The following LMCD1 variants were observed in gnomAD, a reference collection of about 807,000 sequenced individuals.
LMCD1 encodes the protein LIM and cysteine-rich domains protein 1.
Under a neutral mutation model 42.7 loss-of-function variants are expected in LMCD1, and 32 were observed. The observed-to-expected ratio is 0.75, with a 90% CI of 0.57 to 1.01. The LOEUF (loss-of-function observed/expected upper bound fraction) is 1.01, where lower values mean the gene tolerates loss of function less well. Ranked by LOEUF, LMCD1 falls within the 50% of genes least tolerant of loss-of-function variation. The pLI is 0.00. For synonymous variants in LMCD1, 178 were observed against 184.9 expected (o/e 0.96, Z 0.30); for missense variants, 458 against 483.1 (o/e 0.95, Z 0.49).
chr3:8,535,933 C>T (rs1040297351), intron 2 of LMCD1, among the ~76,000 whole-genome samples: 5 of 152,194 alleles, frequency 3.3e-5, no homozygotes, highest in African/African-American at 4.8e-5. Flanking sequence ...ACCAATAGCA[C>T]TCCTCTACCC....
chr3:8,558,580 T>C (rs1694969728), intron 4 of LMCD1, among the ~76,000 whole-genome samples: 1 of 152,226 alleles, frequency 6.6e-6, no homozygotes, highest in African/African-American at 2.4e-5. Flanking sequence ...TTTGGGAACA[T>C]GAACAAGAAA....
intron 3 of LMCD1, among the ~76,000 whole-genome samples, chr3:8,543,416 TAG>T (rs2125028797): frequency 1.4e-5 from 2 of 143,538 alleles, no homozygotes. Flanking sequence ...GATAGATAGA[TAG>T]ATAGATAGAT....
At chr3:8,547,390 A>G (rs1476404295) in intron 3 of LMCD1, among the ~76,000 whole-genome samples, 2 of 152,256 alleles carry the variant, frequency 1.3e-5, no homozygotes, top group Non-Finnish European at 2.9e-5. Flanking sequence ...TCCAGGCAGA[A>G]AGAAGACTGG....
At chr3:8,541,278 A>C (rs1694621238) in intron 3 of LMCD1, among the ~76,000 whole-genome samples, 1 of 152,180 alleles carries the variant, frequency 6.6e-6, no homozygotes, top group Non-Finnish European at 1.5e-5. Context: ...GGCCAGGTGC[A>C]GTGGCTCGCA....
intron 1 of LMCD1, among the ~76,000 whole-genome samples, chr3:8,521,848 A>G (rs1468655509): frequency 6.6e-6 from 1 of 152,210 alleles, no homozygotes; most frequent in Non-Finnish European, 1.5e-5. Context: ...TTGCAATCAT[A>G]GATTCTTAAT....
intron 4 of LMCD1, chr3:8,550,784 A>G: frequency 6.1e-6 from 6 of 985,306 alleles, no homozygotes; most frequent in Non-Finnish European, 7.2e-6. Context: ...CTGTTTGTTC[A>G]TAAACCCTAA....
chr3:8,563,027 C>A (rs1395084666), intron 4 of LMCD1, among the ~76,000 whole-genome samples: 1 of 152,214 alleles, frequency 6.6e-6, no homozygotes, highest in African/African-American at 2.4e-5. Context: ...GCATCATCTG[C>A]TAGTGTCTTC....
At chr3:8,564,366 G>A (rs1216983115) in intron 4 of LMCD1, among the ~76,000 whole-genome samples, 2 of 151,962 alleles carry the variant, frequency 1.3e-5, no homozygotes, top group Non-Finnish European at 2.9e-5. Flanking sequence ...AAACTCCTGG[G>A]CTCCAGCAGT....
intron 3 of LMCD1, among the ~76,000 whole-genome samples, chr3:8,538,054 C>A (rs985421377): frequency 2.0e-5 from 3 of 152,134 alleles, no homozygotes; most frequent in Admixed American, 1.3e-4. Flanking sequence ...GCTGGAATCC[C>A]CGGGACCTGC....
chr3:8,502,258 GTATATAAAATATA>G (rs1254997677), intron 1 of LMCD1, among the ~76,000 whole-genome samples: 2 of 50,054 alleles, frequency 4.0e-5, no homozygotes, highest in African/African-American at 7.1e-5. Context: ...TATATAAAAT[GTATATAAAATATA>G]TATATAAAAT....
chr3:8,517,380 T>C (rs1162262123), intron 1 of LMCD1, among the ~76,000 whole-genome samples: 1 of 152,218 alleles, frequency 6.6e-6, no homozygotes, highest in African/African-American at 2.4e-5. Context: ...GTATTACATA[T>C]ATGCAAATAT....
At chr3:8,502,923 C>T (rs963872785) in intron 1 of LMCD1, among the ~76,000 whole-genome samples, 1 of 152,134 alleles carries the variant, frequency 6.6e-6, no homozygotes, top group Non-Finnish European at 1.5e-5. Context: ...AGAGTTGGTT[C>T]TAACAGGCAG....
Position 8,572,067 on chromosome 3 carries a change from A to G in LMCD1, c.*4469A>G, listed in dbSNP as rs1239391289. 1.3e-5 allele frequency: 2 copies of G among 152,132 alleles called. No individual in the cohort carries two copies. The highest frequency in any genetic ancestry group is 2.9e-5 in the Non-Finnish European group (2 of 68,006). The allele number at this position is 152,132 out of a possible 1,614,324, so 9.4% of individuals were successfully genotyped here. A position where few individuals can be genotyped will look rare whatever the true frequency, so the allele number is the denominator to read the frequency against. ...CATTCAGTCTAAGATCACTCATTCT[A>G]TTTAGTTATCTTGTCTATTCTTCAA... On this transcript the variant is annotated 3_prime_UTR_variant, in exon 6 of 6. Transcript: ENST00000157600.
chr3:8,508,393 T>C (rs1255235212), intron 1 of LMCD1, among the ~76,000 whole-genome samples: 1 of 152,138 alleles, frequency 6.6e-6, no homozygotes, highest in Non-Finnish European at 1.5e-5. Flanking sequence ...AAGGCTCCAT[T>C]TGGCAAGTAA....
rs753400931 is a variant in LMCD1 at position 8,565,680 on chromosome 3, TTGAGGGACACTGC to T, written c.939+40_939+52del. On this transcript the variant is annotated intron_variant, in intron 5 of 5. Transcript: ENST00000157600. ...ATAGCCGCGAGATGGGTTAGGGGGC[TTGAGGGACACTGC>T]TGAGGGTAAAAGCCCAGAGGCCAAG... 3.9e-6 allele frequency: 6 copies of T among 1,544,530 alleles called. No individual in the cohort carries two copies. In the South Asian group the frequency reaches 7.1e-5, roughly 18 times the overall value.
chr3:8,516,310 G>A (rs4143967), intron 1 of LMCD1, among the ~76,000 whole-genome samples: 57,398 of 151,912 alleles, frequency 0.38, 11,986 homozygotes, highest in Non-Finnish European at 0.49. Context: ...AGGGACAACC[G>A]AAAACTGGCT....
At position 8,548,777 on chromosome 3, in the gene LMCD1, G is replaced by T. The variant is rs1167064783; in HGVS notation, c.597G>T (p.Val199=). The T allele has an allele frequency of 6.2e-7, 1 of 1,612,170 alleles. No homozygotes were observed. ...YKSEALGVGE[V]ALPGQGGLPK... ...GCGAGGCCCTCGGCGTGGGAGAAGT[G>T]GCCCTCCCGGGGCAGGGTGGCTTGC... is the stretch of plus-strand genomic sequence containing the variant. The change falls in exon 4 of 6, where the codon GTG becomes GTT. Residue 199 remains valine, a synonymous_variant. Coordinates refer to ENST00000157600, the MANE Select transcript of LMCD1 (RefSeq NM_014583.4).
chr3:8,503,896 C>T (rs918309377), intron 1 of LMCD1, among the ~76,000 whole-genome samples: 1 of 152,172 alleles, frequency 6.6e-6, no homozygotes, highest in Non-Finnish European at 1.5e-5. Context: ...GGAGACTCCT[C>T]CTCCTCACCA....
chr3:8,512,474 A>G (rs956819278), intron 1 of LMCD1, among the ~76,000 whole-genome samples: 7 of 152,238 alleles, frequency 4.6e-5, no homozygotes, highest in South Asian at 2.1e-4. Context: ...TTCCCTGGCA[A>G]TTATCTGAAA....
Sources: allele counts gnomAD v4.1 joint callset (sites outside exome capture counted in the v4.1 genomes callset), GRCh38; gene constraint gnomAD v4.1.1; transcripts MANE v1.5; gene names NCBI Gene and HGNC (gene_info 2026-07-23, HGNC 2026-07-21).